NRXN3: variants seen among roughly 807,000 people sequenced by gnomAD.
NRXN3 encodes neurexin III.
A neutral mutation model predicts 137.6 loss-of-function variants in NRXN3; 32 were observed. That is an observed-to-expected ratio of 0.23 (90% CI 0.18 to 0.31). The LOEUF is 0.31. Among genes scored for constraint, NRXN3 ranks in the 10% least tolerant of loss-of-function variants. The pLI is 1.00. For synonymous variants in NRXN3, 798 were observed against 784.5 expected, an observed-to-expected ratio of 1.02 and a Z score of -0.29; for missense variants, 1,574 against 2,062.5, an observed-to-expected ratio of 0.76 and a Z score of 4.59.
intron 19 of NRXN3, among the ~76,000 whole-genome samples, chr14:79,784,947 C>T (rs2099124958): frequency 6.6e-6 from 1 of 152,040 alleles, no homozygotes; most frequent in Non-Finnish European, 1.5e-5. Flanking sequence ...AGTTGCAAGA[C>T]AGAAAAACTC....
chr14:78,479,615 A>G (rs1437482393), intron 4 of NRXN3, among the ~76,000 whole-genome samples: 1 of 152,254 alleles, frequency 6.6e-6, no homozygotes, highest in African/African-American at 2.4e-5. Flanking sequence ...TAGAATGTCC[A>G]GGAATTTGCA....
chr14:79,128,581 G>C (rs2056947248), intron 15 of NRXN3, among the ~76,000 whole-genome samples: 1 of 151,654 alleles, frequency 6.6e-6, no homozygotes, highest in Non-Finnish European at 1.5e-5. Flanking sequence ...CGGTTTGCCA[G>C]TATTTTATTG....
intron 1 of NRXN3, among the ~76,000 whole-genome samples, chr14:78,215,465 C>A (rs974925623): frequency 6.6e-5 from 10 of 152,120 alleles, no homozygotes; most frequent in Non-Finnish European, 1.0e-4. Context: ...ACCAGACAGG[C>A]TCCCAAACAG....
chr14:79,227,825 C>T (rs1444186400), intron 15 of NRXN3, among the ~76,000 whole-genome samples: 3 of 40,586 alleles, frequency 7.4e-5, no homozygotes, highest in Non-Finnish European at 2.1e-4. Flanking sequence ...TTCCTCCCTT[C>T]CTCCCTTCCT....
chr14:79,314,758 C>G (rs1435105336), intron 15 of NRXN3, among the ~76,000 whole-genome samples: 3 of 147,692 alleles, frequency 2.0e-5, no homozygotes, highest in East Asian at 2.1e-4. Flanking sequence ...TCCCTGACCC[C>G]TGACCCCCAA....
intron 16 of NRXN3, among the ~76,000 whole-genome samples, chr14:79,585,498 A>G (rs1343617362): frequency 3.3e-5 from 5 of 152,196 alleles, no homozygotes; most frequent in Admixed American, 1.3e-4. Context: ...CATCCTGGCC[A>G]ACATGGTGAA....
chr14:79,278,007 A>T (rs578242213), intron 15 of NRXN3, among the ~76,000 whole-genome samples: 1 of 152,248 alleles, frequency 6.6e-6, no homozygotes, highest in African/African-American at 2.4e-5. Context: ...TGTTAGAGAG[A>T]CATAATGCTG....
At chr14:78,947,506 C>T (rs1222395545) in intron 10 of NRXN3, among the ~76,000 whole-genome samples, 1 of 152,162 alleles carries the variant, frequency 6.6e-6, no homozygotes, top group Non-Finnish European at 1.5e-5. Flanking sequence ...CTTTGGGTAT[C>T]AAGAGCATAT....
chr14:78,489,724 T>C (rs561223701), intron 4 of NRXN3, among the ~76,000 whole-genome samples: 6 of 152,064 alleles, frequency 3.9e-5, no homozygotes, highest in Middle Eastern at 3.4e-3. Flanking sequence ...AATTTGTGAT[T>C]TTGGAAGCTC....
Position 78,918,949 on chromosome 14 carries a change from C to T in NRXN3, c.2276-38293C>T, listed in dbSNP as rs140981274. ...TGCATTTCTTAGAATATTTCCTCAT[C>T]GTTACGTGAAGCATGACTATGTAAG... is the stretch of plus-strand genomic sequence containing the variant. On this transcript the variant is annotated intron_variant, in intron 10 of 20. Coordinates refer to ENST00000335750, the MANE Select transcript of NRXN3 (RefSeq NM_001330195.2). 7.8e-4 allele frequency among the ~76,000 whole-genome samples: 118 copies of T among 152,180 alleles called. No individual in the cohort carries two copies. The East Asian group carries it at 8.3e-3, about 11-fold the overall frequency.
At chr14:79,044,363 C>A (rs4903814) in intron 15 of NRXN3, among the ~76,000 whole-genome samples, 142,820 of 152,226 alleles carry the variant, frequency 0.94, 67,512 homozygotes, top group Non-Finnish European at 0.99. Flanking sequence ...TTAAAGTTCC[C>A]TGAGTTTGCT....
At chr14:79,073,896 A>C (rs2099691713) in intron 15 of NRXN3, among the ~76,000 whole-genome samples, 1 of 152,206 alleles carries the variant, frequency 6.6e-6, no homozygotes, top group African/African-American at 2.4e-5. Context: ...TGGACACGTT[A>C]TTTAACCTCT....
chr14:78,604,608 C>T (rs1485828699), intron 4 of NRXN3, among the ~76,000 whole-genome samples: 1 of 152,114 alleles, frequency 6.6e-6, no homozygotes, highest in Non-Finnish European at 1.5e-5. Flanking sequence ...AACCTAGCTG[C>T]CTGTTTGGCC....
chr14:78,609,196 A>G (rs2097278437), intron 4 of NRXN3, among the ~76,000 whole-genome samples: 1 of 151,988 alleles, frequency 6.6e-6, no homozygotes, highest in Admixed American at 6.6e-5. Context: ...ATGTGATCCT[A>G]TTTACACGTG....
At chr14:78,849,166 A>G (rs1454223929) in intron 10 of NRXN3, among the ~76,000 whole-genome samples, 2 of 152,140 alleles carry the variant, frequency 1.3e-5, no homozygotes, top group African/African-American at 4.8e-5. Flanking sequence ...TTCAAATCGT[A>G]GTTCTGACAC....
At chr14:79,367,252 G>A (rs983241594) in intron 15 of NRXN3, among the ~76,000 whole-genome samples, 1 of 152,118 alleles carries the variant, frequency 6.6e-6, no homozygotes, top group African/African-American at 2.4e-5. Flanking sequence ...AAAAGTGCTG[G>A]GATTACAGGC....
intron 15 of NRXN3, among the ~76,000 whole-genome samples, chr14:79,244,323 CT>C (rs1219402782): frequency 2.6e-5 from 4 of 152,142 alleles, no homozygotes; most frequent in Non-Finnish European, 5.9e-5. Context: ...AACACTTTGC[CT>C]GCCGATTTGT....
At chr14:79,734,590 G>A (rs1225067454) in intron 19 of NRXN3, among the ~76,000 whole-genome samples, 1 of 151,956 alleles carries the variant, frequency 6.6e-6, no homozygotes, top group Non-Finnish European at 1.5e-5. Context: ...TTTGGAAGTA[G>A]CAAATACAAG....
intron 2 of NRXN3, among the ~76,000 whole-genome samples, chr14:78,264,039 C>A (rs1390670666): frequency 6.6e-6 from 1 of 151,840 alleles, no homozygotes; most frequent in African/African-American, 2.4e-5. Flanking sequence ...GGAATGTGTC[C>A]AAAACATATT....
Sources: allele counts gnomAD v4.1 joint callset (sites outside exome capture counted in the v4.1 genomes callset), GRCh38; gene constraint gnomAD v4.1.1; transcripts MANE v1.5; gene names NCBI Gene and HGNC (gene_info 2026-07-23, HGNC 2026-07-21).